The following HCRTR2 variants were observed in gnomAD, a reference collection of about 807,000 sequenced individuals.
HCRTR2 encodes orexin receptor type 2.
A neutral mutation model predicts 49.0 loss-of-function variants in HCRTR2; 22 were observed. That is an observed-to-expected ratio of 0.45 (90% CI 0.32 to 0.64). The LOEUF (loss-of-function observed/expected upper bound fraction) is 0.64. Among genes scored for constraint, HCRTR2 ranks in the 30% least tolerant of loss-of-function variants. The pLI, the probability that HCRTR2 is intolerant of heterozygous loss-of-function variation, is 0.04. For synonymous variants in HCRTR2, 236 were observed against 205.3 expected, an observed-to-expected ratio of 1.15 and a Z score of -1.28; for missense variants, 491 against 559.4, an observed-to-expected ratio of 0.88 and a Z score of 1.23.
chr6:55,203,919 T>C (rs1013635907), intron 1 of HCRTR2, among the ~76,000 whole-genome samples: 1 of 151,806 alleles, frequency 6.6e-6, no homozygotes, highest in Non-Finnish European at 1.5e-5. Context: ...ATTAGAAGGG[T>C]TTGCGTAGAG....
At chr6:55,184,323 C>T (rs534443825) in intron 1 of HCRTR2, among the ~76,000 whole-genome samples, 3 of 152,226 alleles carry the variant, frequency 2.0e-5, no homozygotes, top group African/African-American at 4.8e-5. Context: ...TTCCAATATT[C>T]TACATGGTTT....
intron 1 of HCRTR2, among the ~76,000 whole-genome samples, chr6:55,214,566 A>G (rs935926225): frequency 2.5e-4 from 38 of 151,762 alleles, no homozygotes; most frequent in African/African-American, 8.0e-4. Flanking sequence ...GACTTGAACT[A>G]TTGACTTCAA....
chr6:55,220,045 A>G (rs1433718920), intron 1 of HCRTR2, among the ~76,000 whole-genome samples: 2 of 152,142 alleles, frequency 1.3e-5, no homozygotes, highest in African/African-American at 4.8e-5. Context: ...AGATTAAATC[A>G]ATGATCAGAA....
intron 2 of HCRTR2, among the ~76,000 whole-genome samples, chr6:55,253,408 A>T (rs186519208): frequency 6.6e-6 from 1 of 152,240 alleles, no homozygotes; most frequent in East Asian, 1.9e-4. Flanking sequence ...ATCAACAAGA[A>T]AGGTCCTCAT....
chr6:55,192,101 A>G (rs1473085349), intron 1 of HCRTR2, among the ~76,000 whole-genome samples: 1 of 152,186 alleles, frequency 6.6e-6, no homozygotes, highest in Non-Finnish European at 1.5e-5. Flanking sequence ...ATATATACAT[A>G]AAATCCTGTG....
chr6:55,126,316 A>G (rs1236756561), intron 1 of HCRTR2, among the ~76,000 whole-genome samples: 2 of 151,426 alleles, frequency 1.3e-5, no homozygotes, highest in Admixed American at 6.6e-5. Context: ...TGAGCCTGCT[A>G]TTCCTTTCTG....
intron 1 of HCRTR2, among the ~76,000 whole-genome samples, chr6:55,225,402 G>A (rs1765984564): frequency 6.6e-6 from 1 of 151,824 alleles, no homozygotes. Context: ...CCTTCTATGA[G>A]TTGAATTAGT....
Position 55,240,345 on chromosome 6 carries a change from G to A in HCRTR2, c.224-8294G>A, listed in dbSNP as rs1398447392. 3.5e-5 allele frequency among the ~76,000 whole-genome samples: 4 copies of A among 113,844 alleles called. No individual in the cohort carries two copies. In the South Asian group the frequency reaches 9.0e-4, roughly 26 times the overall value. The allele number at this position is 113,844 out of a possible 152,430, so 74.7% of individuals were successfully genotyped here. A position where few individuals can be genotyped will look rare whatever the true frequency, so the allele number is the denominator to read the frequency against. ...TGCAGTTCGGCCTGGACGAAAGAGC[G>A]AGACTCCAGCTCAAAAAAAAAAAAA... On this transcript the variant is annotated intron_variant, in intron 1 of 6. Coordinates refer to ENST00000370862, the MANE Select transcript of HCRTR2 (RefSeq NM_001384272.1).
chr6:55,236,045 G>C (rs1351717112), intron 1 of HCRTR2, among the ~76,000 whole-genome samples: 1 of 151,898 alleles, frequency 6.6e-6, no homozygotes, highest in Non-Finnish European at 1.5e-5. Context: ...CCAAAGGAAA[G>C]CTAGCATTTT....
chr6:55,243,149 G>A (rs1453982050), intron 1 of HCRTR2, among the ~76,000 whole-genome samples: 1 of 151,960 alleles, frequency 6.6e-6, no homozygotes, highest in South Asian at 2.1e-4. Flanking sequence ...TATCTTCTTG[G>A]CACCTCTGCA....
At chr6:55,111,880 T>C (rs1352878387) in intron 1 of HCRTR2, among the ~76,000 whole-genome samples, 4 of 152,052 alleles carry the variant, frequency 2.6e-5, no homozygotes. Flanking sequence ...TGAACATAGA[T>C]GCAAAAATCC....
At chr6:55,225,795 A>G (rs577757699) in intron 1 of HCRTR2, among the ~76,000 whole-genome samples, 1 of 152,232 alleles carries the variant, frequency 6.6e-6, no homozygotes, top group Non-Finnish European at 1.5e-5. Flanking sequence ...ACAGAAACTA[A>G]AAGTATAATT....
intron 1 of HCRTR2, among the ~76,000 whole-genome samples, chr6:55,231,974 C>T (rs918504610): frequency 1.3e-5 from 2 of 152,122 alleles, no homozygotes; most frequent in African/African-American, 2.4e-5. Flanking sequence ...TCAGTCTCTC[C>T]GTTTTTGTTC....
chr6:55,190,147 C>T (rs1397911012), intron 1 of HCRTR2, among the ~76,000 whole-genome samples: 1 of 152,194 alleles, frequency 6.6e-6, no homozygotes, highest in African/African-American at 2.4e-5. Context: ...TGTGACAAGA[C>T]CTTTTTGCCA....
intron 1 of HCRTR2, among the ~76,000 whole-genome samples, chr6:55,181,008 A>G (rs1765124499): frequency 6.8e-6 from 1 of 148,040 alleles, no homozygotes; most frequent in African/African-American, 2.5e-5. Context: ...GGGTTTCACC[A>G]TCTTGGCTAG....
At chr6:55,139,773 G>T (rs1764481578) in intron 1 of HCRTR2, among the ~76,000 whole-genome samples, 1 of 152,114 alleles carries the variant, frequency 6.6e-6, no homozygotes, top group Admixed American at 6.5e-5. Flanking sequence ...TCTCTAGATT[G>T]GTCAAAGAGG....
chr6:55,252,765 T>A (rs1426119666), intron 2 of HCRTR2, among the ~76,000 whole-genome samples: 1 of 152,102 alleles, frequency 6.6e-6, no homozygotes, highest in African/African-American at 2.4e-5. Flanking sequence ...AAGGTTAGGC[T>A]TTCACTTGTA....
chr6:55,120,250 G>C (rs899047823), intron 1 of HCRTR2, among the ~76,000 whole-genome samples: 4 of 151,966 alleles, frequency 2.6e-5, no homozygotes, highest in South Asian at 2.1e-4. Flanking sequence ...TCTTGGCTAT[G>C]TGGGCCCTTT....
intron 1 of HCRTR2, among the ~76,000 whole-genome samples, chr6:55,111,893 A>T (rs1764053095): frequency 6.6e-6 from 1 of 152,064 alleles, no homozygotes; most frequent in African/African-American, 2.4e-5. Context: ...AAAAATCCTC[A>T]TTGCAATTCT....
Sources: allele counts gnomAD v4.1 joint callset (sites outside exome capture counted in the v4.1 genomes callset), GRCh38; gene constraint gnomAD v4.1.1; transcripts MANE v1.5; gene names NCBI Gene and HGNC (gene_info 2026-07-23, HGNC 2026-07-21).